The following MAEA variants were observed in gnomAD, a reference collection of about 807,000 sequenced individuals.
MAEA encodes E3 ubiquitin-protein transferase MAEA.
Under a neutral mutation model 46.2 loss-of-function variants are expected in MAEA, and 22 were observed. The ratio of observed to expected loss-of-function variants is 0.48; its 90% CI spans 0.34 to 0.68. MAEA has a LOEUF of 0.68. MAEA is among the 30% of genes least tolerant of loss of function. The pLI is 0.01. For missense variants in MAEA, 393 were observed against 558.1 expected, an observed-to-expected ratio of 0.70 and a Z score of 2.98; for synonymous variants, 246 against 222.6, an observed-to-expected ratio of 1.11 and a Z score of -0.94.
chr4:1,295,648 C>G (rs1447702058), intron 1 of MAEA, among the ~76,000 whole-genome samples: 1 of 148,122 alleles, frequency 6.8e-6, no homozygotes, highest in Non-Finnish European at 1.5e-5. Context: ...GTACCTGTAC[C>G]CCCCTCACCC....
At chr4:1,292,638 C>G (rs575328941) in intron 1 of MAEA, among the ~76,000 whole-genome samples, 32 of 152,228 alleles carry the variant, frequency 2.1e-4, no homozygotes, top group Admixed American at 3.3e-4. Context: ...AGCATGCCCC[C>G]AAAATGTCTT....
chr4:1,292,594 C>A (rs1734206584), intron 1 of MAEA, among the ~76,000 whole-genome samples: 1 of 152,182 alleles, frequency 6.6e-6, no homozygotes, highest in African/African-American at 2.4e-5. Context: ...GGATGTCTAG[C>A]AGCATCCCTG....
At chr4:1,295,558 A>G (rs2108853332) in intron 1 of MAEA, among the ~76,000 whole-genome samples, 1 of 150,794 alleles carries the variant, frequency 6.6e-6, no homozygotes, top group South Asian at 2.1e-4. Context: ...CTCCTACTTC[A>G]TGCTCGCCCA....
intron 5 of MAEA, 42 bp from the exon 6 acceptor site, chr4:1,332,709 GTTAAAA>G (rs764129387): frequency 1.2e-5 from 18 of 1,487,214 alleles, no homozygotes; most frequent in South Asian, 1.2e-5. Flanking sequence ...GTCTCTAAAA[GTTAAAA>G]TTAAAACGCA....
At chr4:1,303,756 G>A (rs56085572) in intron 1 of MAEA, among the ~76,000 whole-genome samples, 23,397 of 151,956 alleles carry the variant, frequency 0.15, 3,469 homozygotes, top group East Asian at 0.42. Flanking sequence ...ACATATTAAA[G>A]GGGTGAATTT....
intron 1 of MAEA, chr4:1,309,471 TG>T (rs1257219048): frequency 7.6e-7 from 1 of 1,311,618 alleles, no homozygotes; most frequent in Non-Finnish European, 9.7e-7. Flanking sequence ...GGCGTGGATG[TG>T]GGGAGGAGCT....
chr4:1,307,747 C>A (rs559849841), intron 1 of MAEA, among the ~76,000 whole-genome samples: 1 of 152,294 alleles, frequency 6.6e-6, no homozygotes, highest in East Asian at 1.9e-4. Flanking sequence ...AGGCCAGAGA[C>A]CCTGGAGTTC....
rs1305754646 is a variant in MAEA, at chr4:1,323,609, G to T, written c.579+1106G>T. On this transcript the variant is annotated intron_variant, in intron 4 of 8. Coordinates refer to ENST00000303400, the MANE Select transcript of MAEA (RefSeq NM_001017405.3). ...AACCCTAAAAGGAAAGCCAGAATTG[G>T]TATGTAACCTGCGGCCCCACTACAC... The T allele has an allele frequency of 1.6e-5, 11 of 702,504 alleles. No homozygotes were observed. The East Asian group carries it at 3.0e-4, about 19-fold the overall frequency. 43.5% of individuals were successfully genotyped at this position (702,504 alleles called of 1,614,324 possible). A position where few individuals can be genotyped will look rare whatever the true frequency, so the allele number is the denominator to read the frequency against.
chr4:1,316,636 A>G (rs1372419624), intron 3 of MAEA, among the ~76,000 whole-genome samples: 2 of 151,922 alleles, frequency 1.3e-5, no homozygotes, highest in Non-Finnish European at 2.9e-5. Flanking sequence ...GCTTCTGTCT[A>G]ACCAGGGGTC....
intron 1 of MAEA, among the ~76,000 whole-genome samples, chr4:1,307,815 A>C (rs58058346): frequency 0.15 from 23,472 of 152,096 alleles, 3,487 homozygotes; most frequent in East Asian, 0.42. Context: ...TTATCCTCTG[A>C]CTTTCTTGTT....
intron 1 of MAEA, among the ~76,000 whole-genome samples, chr4:1,301,032 A>G (rs907543852): frequency 2.0e-5 from 3 of 152,204 alleles, no homozygotes; most frequent in African/African-American, 7.2e-5. Context: ...GGCTTAATCC[A>G]GCACTTCTGG....
chr4:1,334,888 T>C (rs975963822), intron 6 of MAEA: 36 of 985,300 alleles, frequency 3.7e-5, no homozygotes, highest in Non-Finnish European at 4.2e-5. Context: ...TAGACTTTGA[T>C]TTTTAGACAA....
Position 1,315,341 on chromosome 4 carries a change from G to T in MAEA, c.253-56G>T, listed in dbSNP as rs1013816192. 2.6e-6 allele frequency: 4 copies of T among 1,554,440 alleles called. No homozygotes were observed. The African/African-American group carries it at 4.1e-5, about 16-fold the overall frequency. On this transcript the variant is annotated intron_variant, in intron 2 of 8. Coordinates refer to ENST00000303400, the MANE Select transcript of MAEA (RefSeq NM_001017405.3). ...GATTGGGGCAGCCTGGCCTCCCTTG[G>T]TGCAGGGCTGCGGGGCATCCCTGTC...
chr4:1,333,088 C>T lies in MAEA; in HGVS notation c.765+223C>T, dbSNP rs920311768. 2.6e-5 allele frequency among the ~76,000 whole-genome samples: 4 copies of T among 152,268 alleles called. No homozygotes were observed. In the East Asian group the frequency reaches 7.7e-4, roughly 29 times the overall value. ...TGGTGGCTCACCCCTGGAATCCCAG[C>T]ACTTTGGGAGGCTGAGGTGGGAGGA... On this transcript the variant is annotated intron_variant, in intron 6 of 8. Coordinates refer to ENST00000303400, the MANE Select transcript of MAEA (RefSeq NM_001017405.3).
chr4:1,309,923 G>A lies in MAEA; in HGVS notation c.70-2056G>A, dbSNP rs970964371. 1.0e-5 allele frequency: 13 copies of A among 1,287,002 alleles called. No individual in the cohort carries two copies. The Admixed American group carries it at 4.3e-4, about 42-fold the overall frequency. The allele number at this position is 1,287,002 out of a possible 1,614,324, so 79.7% of individuals were successfully genotyped here. ...GAAAGTCCAGAAAGGCCCCGTTCCC[G>A]CGTAGAACTTGAATGCAGCTAAGGG... is the stretch of plus-strand genomic sequence containing the variant. On this transcript the variant is annotated intron_variant, in intron 1 of 8. Coordinates refer to ENST00000303400, the MANE Select transcript of MAEA (RefSeq NM_001017405.3).
chr4:1,322,575 C>T, intron 4 of MAEA, 72 bp downstream of exon 4: 1 of 1,578,058 alleles, frequency 6.3e-7, no homozygotes. Context: ...GGAGCCAGCA[C>T]CCCCTTGCCT....
intron 4 of MAEA, 116 bp downstream of exon 4, chr4:1,322,619 G>A: frequency 4.3e-6 from 6 of 1,401,748 alleles, no homozygotes; most frequent in Non-Finnish European, 2.9e-6. Context: ...TGGTTTGTAA[G>A]GTGGGGGTTG....
intron 4 of MAEA, among the ~76,000 whole-genome samples, chr4:1,326,254 C>T (rs375221965): frequency 8.5e-5 from 13 of 152,320 alleles, no homozygotes; most frequent in African/African-American, 2.6e-4. Context: ...TCATCTGCCA[C>T]GTGGAGTTTC....
chr4:1,298,042 C>A (rs868251936), intron 1 of MAEA: 5 of 456,326 alleles, frequency 1.1e-5, no homozygotes, highest in Middle Eastern at 3.3e-4. Context: ...CCGGTTGCTG[C>A]CTGGAGTGGG....
Sources: allele counts gnomAD v4.1 joint callset (sites outside exome capture counted in the v4.1 genomes callset), GRCh38; gene constraint gnomAD v4.1.1; transcripts MANE v1.5; gene names NCBI Gene and HGNC (gene_info 2026-07-23, HGNC 2026-07-21).